ABCD4: variants seen among roughly 807,000 people sequenced by gnomAD.
ABCD4 encodes the protein ATP binding cassette subfamily D member 4.
Under a neutral mutation model 86.3 loss-of-function variants are expected in ABCD4, and 53 were observed. The observed-to-expected ratio is 0.61, with a 90% CI of 0.49 to 0.77. The LOEUF (loss-of-function observed/expected upper bound fraction) is 0.77, where lower values mean the gene tolerates loss of function less well. Among genes scored for constraint, ABCD4 ranks in the 30% least tolerant of loss-of-function variants. ABCD4 has a pLI of 0.00. For synonymous variants in ABCD4, 328 were observed against 313.6 expected (o/e 1.05, Z -0.49); for missense variants, 757 against 764.5 (o/e 0.99, Z 0.12).
At chr14:74,288,932 T>G in intron 14 of ABCD4, 167 bp from the exon 15 acceptor site, 3 of 961,428 alleles carry the variant, frequency 3.1e-6, no homozygotes, top group Non-Finnish European at 4.5e-6. Flanking sequence ...GCCAACATGG[T>G]GAAACGCTGT....
chr14:74,292,251 C>A, intron 11 of ABCD4, 36 bp downstream of exon 11: 1 of 1,603,462 alleles, frequency 6.2e-7, no homozygotes, highest in Non-Finnish European at 8.5e-7. Flanking sequence ...CCACAGCCTG[C>A]AGCCTCAACT....
chr14:74,286,838 G>A, intron 17 of ABCD4, 22 bp from the exon 18 acceptor site: 1 of 1,608,884 alleles, frequency 6.2e-7, no homozygotes, highest in African/African-American at 1.3e-5. Context: ...GAGCACAGAG[G>A]AAGAGATCAA....
intron 15 of ABCD4, 146 bp downstream of exon 15, chr14:74,288,570 C>A: frequency 1.1e-6 from 1 of 923,556 alleles, no homozygotes; most frequent in Non-Finnish European, 1.7e-6. Flanking sequence ...TGGCCAACAG[C>A]ACACACTGTC....
intron 7 of ABCD4, 49 bp from the exon 8 acceptor site, chr14:74,293,297 G>C (rs2082035328): frequency 6.4e-7 from 1 of 1,570,926 alleles, no homozygotes; most frequent in Non-Finnish European, 8.7e-7. Flanking sequence ...GGTTCAGCCA[G>C]GTTGGGGGGC....
chr14:74,289,698 C>G (rs1874054245), intron 13 of ABCD4, 179 bp from the exon 14 acceptor site: 1 of 1,444,072 alleles, frequency 6.9e-7, no homozygotes. Flanking sequence ...TCCCTACAAC[C>G]TTCAGAAGTG....
intron 17 of ABCD4, 91 bp from the exon 18 acceptor site, chr14:74,286,907 C>A: frequency 8.0e-7 from 1 of 1,250,886 alleles, no homozygotes; most frequent in Non-Finnish European, 1.1e-6. Context: ...CCAGCTGGGA[C>A]CCAGGGGAGG....
rs2079721358 is a variant in ABCD4, at chr14:74,286,287, A to C, written c.*174T>G. On this transcript the variant is annotated 3_prime_UTR_variant, in exon 19 of 19. Coordinates refer to ENST00000356924, the MANE Select transcript of ABCD4 (RefSeq NM_005050.4). Reference sequence around the variant, plus strand: ...TGGGAGATTCAGTGTCCCCCACAGAAACCTAGACCTGGGCTCAGCCCACCA... The same window carrying C: ...TGGGAGATTCAGTGTCCCCCACAGACACCTAGACCTGGGCTCAGCCCACCA... The C allele has an allele frequency of 1.6e-6, 1 of 639,152 alleles. No individual in the cohort carries two copies. Among genetic ancestry groups the C allele is most frequent in the Non-Finnish European group, 2.7e-6 (1 of 369,902 alleles). The allele number at this position is 639,152 out of a possible 1,614,324, so 39.6% of individuals were successfully genotyped here.
intron 7 of ABCD4, chr14:74,294,119 C>T (rs1236667051): frequency 6.6e-6 from 1 of 151,574 alleles, no homozygotes; most frequent in Non-Finnish European, 1.5e-5. Flanking sequence ...ATGGCAGGAT[C>T]TTGCCTTACT....
At chr14:74,291,881 T>C (rs2081575052) in intron 11 of ABCD4, among the ~76,000 whole-genome samples, 1 of 152,154 alleles carries the variant, frequency 6.6e-6, no homozygotes, top group Non-Finnish European at 1.5e-5. Context: ...AAGCAAATCC[T>C]GAATGCACAG....
chr14:74,288,663 T>C, intron 15 of ABCD4, 53 bp downstream of exon 15: 1 of 1,590,328 alleles, frequency 6.3e-7, no homozygotes, highest in South Asian at 1.1e-5. Flanking sequence ...TGCCTACCTG[T>C]AGCTGGTGCT....
In ABCD4 at chr14:74,288,746, C is replaced by T. The variant is rs370984701; in HGVS notation, c.1476G>A (p.Arg492=). The T allele has an allele frequency of 2.5e-6, 4 of 1,613,706 alleles. No individual in the cohort carries two copies. The African/African-American group carries it at 5.3e-5, about 22-fold the overall frequency. ...YPDSGSADDE[R]ILRFLELAGL... ...CTGCCAATTCCAAGAACCTCAAGAT[C>T]CTCTCATCATCGGCAGAACCTGCAC... is the stretch of plus-strand genomic sequence containing the variant. The change falls in exon 15 of 19, where the codon AGG becomes AGA. Residue 492 remains arginine, a synonymous_variant. Coordinates refer to ENST00000356924, the MANE Select transcript of ABCD4 (RefSeq NM_005050.4).
rs768838020 is a variant in ABCD4, at chr14:74,298,001, G to A, written c.354C>T (p.His118=). 2.9e-5 allele frequency: 46 copies of A among 1,613,944 alleles called. No homozygotes were observed. The South Asian group carries it at 4.8e-4, about 17-fold the overall frequency. The part of the protein sequence containing the change: ...YVSWRKDLTE[H]LHRLYFRGRA... The stretch of plus-strand genomic sequence containing the variant: ...GGCCCCGGAAGTAGAGGCGGTGAAG[G>A]TGCTCAGTGAGGTCCTTCCTCCAGC... Residue 118 remains histidine (H), a synonymous_variant, in exon 4 of 19, where the codon CAC becomes CAT. Coordinates refer to ENST00000356924, the MANE Select transcript of ABCD4 (RefSeq NM_005050.4).
In ABCD4 at chr14:74,299,678, G is replaced by T; in HGVS notation, c.158-3C>A. The T allele has an allele frequency of 1.2e-6, 2 of 1,610,712 alleles. No individual in the cohort carries two copies. The highest frequency in any genetic ancestry group is 8.5e-7 in the Non-Finnish European group (1 of 1,178,236). On this transcript the variant is annotated splice_region_variant and splice_polypyrimidine_tract_variant and intron_variant, in intron 2 of 18. Coordinates refer to ENST00000356924, the MANE Select transcript of ABCD4 (RefSeq NM_005050.4). ...AACCTGGTAGATCACAAATTGCTCT[G>T]AAAGGAGGGAGAGGAGTAAGAAATC...
chr14:74,301,874 G>C (rs1216565155), intron 1 of ABCD4, among the ~76,000 whole-genome samples: 3 of 152,044 alleles, frequency 2.0e-5, no homozygotes, highest in African/African-American at 7.2e-5. Context: ...ATTCCTGCCC[G>C]AGCAACAAGA....
In ABCD4 at chr14:74,286,223, G is replaced by T. The variant is rs1450781100; in HGVS notation, c.*238C>A. ...TAATCAGCACTTCAAGCATATGGAG[G>T]CTCTGGCTGAGGCAGCAGAGTCCTG... On this transcript the variant is annotated 3_prime_UTR_variant, in exon 19 of 19. Coordinates refer to ENST00000356924, the MANE Select transcript of ABCD4 (RefSeq NM_005050.4). 2 of 484,344 alleles carry T rather than the reference G, an allele frequency of 4.1e-6. No individual in the cohort carries two copies. The highest frequency in any genetic ancestry group is 6.7e-5 in the East Asian group (2 of 29,798). The allele number at this position is 484,344 out of a possible 1,614,324, so 30.0% of individuals were successfully genotyped here.
At chr14:74,301,383 C>T (rs997921190) in intron 1 of ABCD4, among the ~76,000 whole-genome samples, 1 of 152,032 alleles carries the variant, frequency 6.6e-6, no homozygotes, top group Non-Finnish European at 1.5e-5. Flanking sequence ...TGATCTTGAA[C>T]TCCTGGACTC....
At position 74,286,472 on chromosome 14, in the gene ABCD4, T is replaced by C. The variant is rs1255141380; in HGVS notation, c.1810A>G (p.Lys604Glu). ...CAAAAGCCAGAGCTTCATTCCACTTTGATTCTCATCAGCTCCCATCTTCCT... is the reference window on the plus strand; with the variant it reads ...CAAAAGCCAGAGCTTCATTCCACTTCGATTCTCATCAGCTCCCATCTTCCT... ...GGGRWELMRI[K>E]VE The change falls in exon 19 of 19, where the codon AAA becomes GAA. Residue 604 changes from lysine to glutamate, a missense_variant. Physicochemically the swap from Lys to Glu is moderately conservative, Grantham distance 56. Coordinates refer to ENST00000356924, the MANE Select transcript of ABCD4 (RefSeq NM_005050.4). 2.5e-6 allele frequency: 4 copies of C among 1,614,218 alleles called. No individual in the cohort carries two copies. The highest frequency in any genetic ancestry group is 2.2e-5 in the South Asian group (2 of 91,088).
At position 74,290,068 on chromosome 14, in the gene ABCD4, G is replaced by T; in HGVS notation, c.1378C>A (p.Pro460Thr). 6.2e-7 allele frequency: 1 copy of T among 1,614,168 alleles called. No individual in the cohort carries two copies. Among genetic ancestry groups the T allele is most frequent in the Non-Finnish European group, 8.5e-7 (1 of 1,180,024 alleles). ...CCGTCAGTGAAGAATGGCTTTTGTG[G>T]CAGGAATAGCACCCCATGGGGCCCA... ...DFGPHGVLFLPQKPFFTDGTL... is the reference protein window; with the variant it reads ...DFGPHGVLFLTQKPFFTDGTL... Residue 460 changes from proline to threonine, a missense_variant, in exon 13 of 19, where the codon CCA (proline) becomes ACA (threonine). By Grantham distance (38) the Pro-to-Thr change is conservative. Coordinates refer to ENST00000356924, the MANE Select transcript of ABCD4 (RefSeq NM_005050.4).
rs148132478 is a variant in ABCD4, at chr14:74,300,719, C to T, written c.39-451G>A. On this transcript the variant is annotated intron_variant, in intron 1 of 18. Transcript: ENST00000356924. ...GTAGAAAAATGTCTTAATGAAGATA[C>T]CTTAAAAACCTATACAGGGGAAAAC... Among the ~76,000 whole-genome samples, 1,420 of 152,104 alleles carry T rather than the reference C, an allele frequency of 9.3e-3. 15 individuals are homozygous for T. Among genetic ancestry groups the T allele is most frequent in the Middle Eastern group, 0.024 (7 of 294 alleles).
Sources: gnomAD v4.1 joint callset for allele counts (sites outside exome capture counted in the v4.1 genomes callset) on GRCh38, gnomAD v4.1.1 for gene constraint, MANE v1.5 for transcripts, NCBI Gene and HGNC (gene_info 2026-07-23, HGNC 2026-07-21) for gene names.